Variants in LINGO2 observed in about 807,000 individuals in gnomAD.
LINGO2 encodes the protein leucine rich repeat and Ig domain containing 2.
In LINGO2, 14 loss-of-function variants were observed where a neutral mutation model predicts 30.6. That is an observed-to-expected ratio of 0.46 (90% CI 0.30 to 0.72). The LOEUF is 0.72. LINGO2 is among the 30% of genes least tolerant of loss of function. The probability of loss-of-function intolerance (pLI) is 0.07; values close to 1 mark genes in which losing one functional copy is unlikely to be tolerated. For missense variants in LINGO2, 729 were observed against 751.7 expected, an observed-to-expected ratio of 0.97 and a Z score of 0.35; for synonymous variants, 317 against 288.5, an observed-to-expected ratio of 1.10 and a Z score of -1.00.
At chr9:29,201,313 A>C in the LINGO2 span, among the ~76,000 whole-genome samples, 1 of 152,052 alleles carries the variant, frequency 6.6e-6, no homozygotes, top group African/African-American at 2.4e-5. Context: ...AAATTCCACA[A>C]ATTTTCATAA....
chr9:28,590,181 A>AG lies in LINGO2; in HGVS notation c.-365+80018dup, dbSNP rs547203224. ...AAGATGGATTAAAGCCTTACATGTT[A>AG]GACCTAAAACCATAAAAACCCTAGA... On this transcript the variant is annotated intron_variant, in intron 1 of 5. Transcript: ENST00000379992. Among the ~76,000 whole-genome samples, 468 of 152,316 alleles carry AG rather than the reference A, an allele frequency of 3.1e-3. 7 individuals carry two copies. Among genetic ancestry groups the AG allele is most frequent in the African/African-American group, 0.011 (451 of 41,576 alleles).
intron 1 of LINGO2, among the ~76,000 whole-genome samples, chr9:28,573,748 C>G (rs1261639945): frequency 6.6e-6 from 1 of 151,856 alleles, no homozygotes; most frequent in Non-Finnish European, 1.5e-5. Flanking sequence ...ATAAGCAATT[C>G]CTACTTATAT....
chr9:29,158,272 C>A, the LINGO2 span, among the ~76,000 whole-genome samples: 1 of 151,982 alleles, frequency 6.6e-6, no homozygotes, highest in Admixed American at 6.6e-5. Context: ...GAGAGGACTG[C>A]ATGAGCCCAG....
chr9:29,105,562 T>G, the LINGO2 span, among the ~76,000 whole-genome samples: 1 of 152,196 alleles, frequency 6.6e-6, no homozygotes, highest in Non-Finnish European at 1.5e-5. Context: ...TTGTCTAATT[T>G]CCTTCCCTTG....
intron 1 of LINGO2, among the ~76,000 whole-genome samples, chr9:28,653,508 T>A (rs1327162571): frequency 1.3e-5 from 2 of 152,070 alleles, no homozygotes; most frequent in African/African-American, 4.8e-5. Flanking sequence ...ACAATACACA[T>A]CTCCATCACA....
At chr9:28,590,656 C>T (rs1022217284) in intron 1 of LINGO2, among the ~76,000 whole-genome samples, 6 of 151,972 alleles carry the variant, frequency 3.9e-5, no homozygotes, top group Non-Finnish European at 8.8e-5. Context: ...AGTCAGGAAA[C>T]GACAGGTGCT....
At chr9:28,574,753 C>T (rs1337731944) in intron 1 of LINGO2, among the ~76,000 whole-genome samples, 1 of 152,154 alleles carries the variant, frequency 6.6e-6, no homozygotes, top group East Asian at 1.9e-4. Flanking sequence ...TGAAATCAAT[C>T]TGCACAAGGA....
chr9:28,172,252 G>C (rs1404951072), intron 4 of LINGO2, among the ~76,000 whole-genome samples: 4 of 149,008 alleles, frequency 2.7e-5, no homozygotes, highest in African/African-American at 4.9e-5. Context: ...TTAGCCGGGC[G>C]TAGTGGCGGG....
chr9:28,660,550 T>C (rs1361646048), intron 1 of LINGO2, among the ~76,000 whole-genome samples: 1 of 152,072 alleles, frequency 6.6e-6, no homozygotes. Context: ...AAACATATAC[T>C]GGTAAAAATG....
intron 1 of LINGO2, among the ~76,000 whole-genome samples, chr9:28,532,294 A>G (rs574324246): frequency 1.3e-5 from 2 of 152,308 alleles, no homozygotes; most frequent in East Asian, 3.9e-4. Flanking sequence ...ATATCAGCAA[A>G]TCAGGAGAAT....
At chr9:28,347,687 C>T (rs1362375363) in intron 3 of LINGO2, among the ~76,000 whole-genome samples, 1 of 152,196 alleles carries the variant, frequency 6.6e-6, no homozygotes, top group Non-Finnish European at 1.5e-5. Context: ...TCTCCAGACT[C>T]CACTCTGTAA....
chr9:28,878,857 C>A, the LINGO2 span, among the ~76,000 whole-genome samples: 1 of 152,132 alleles, frequency 6.6e-6, no homozygotes, highest in Non-Finnish European at 1.5e-5. Context: ...TAAGGGCTAT[C>A]TATGACAAAC....
intron 1 of LINGO2, among the ~76,000 whole-genome samples, chr9:28,630,969 T>C (rs1318349839): frequency 6.6e-6 from 1 of 151,814 alleles, no homozygotes; most frequent in Non-Finnish European, 1.5e-5. Context: ...GATATTATAC[T>C]GTAATTAGAA....
At chr9:28,560,937 A>C (rs1239996772) in intron 1 of LINGO2, among the ~76,000 whole-genome samples, 1 of 152,044 alleles carries the variant, frequency 6.6e-6, no homozygotes, top group Admixed American at 6.6e-5. Context: ...GGCTTCCCAA[A>C]GTGCCGGGAT....
intron 4 of LINGO2, among the ~76,000 whole-genome samples, chr9:28,020,562 AAAACAAAAC>A (rs779750929): frequency 0.058 from 4,975 of 85,986 alleles, 113 homozygotes; most frequent in African/African-American, 0.092. Flanking sequence ...AAAACAAAAC[AAAACAAAAC>A]AAACAAAACA....
At chr9:28,776,179 G>A in the LINGO2 span, among the ~76,000 whole-genome samples, 1 of 152,182 alleles carries the variant, frequency 6.6e-6, no homozygotes, top group Admixed American at 6.5e-5. Context: ...GAAACAGTGA[G>A]CTTTAGTGAT....
the LINGO2 span, among the ~76,000 whole-genome samples, chr9:29,086,152 T>G: frequency 2.0e-5 from 3 of 152,134 alleles, no homozygotes; most frequent in Admixed American, 6.6e-5. Flanking sequence ...GCAGATAATT[T>G]AGGACATGTA....
At chr9:28,276,105 GTCA>G (rs1375497551) in intron 4 of LINGO2, among the ~76,000 whole-genome samples, 1 of 152,136 alleles carries the variant, frequency 6.6e-6, no homozygotes, top group African/African-American at 2.4e-5. Context: ...TTGGCTATGA[GTCA>G]AGGGGATTTG....
the LINGO2 span, among the ~76,000 whole-genome samples, chr9:28,980,687 G>A: frequency 6.6e-6 from 1 of 152,058 alleles, no homozygotes; most frequent in Non-Finnish European, 1.5e-5. Flanking sequence ...CTCAAAGGTC[G>A]CCTGCTCAGG....
Sources: allele counts gnomAD v4.1 joint callset (sites outside exome capture counted in the v4.1 genomes callset), GRCh38; gene constraint gnomAD v4.1.1; transcripts MANE v1.5; gene names NCBI Gene and HGNC (gene_info 2026-07-23, HGNC 2026-07-21).